The following HACL1 variants were observed in gnomAD, a reference collection of about 807,000 sequenced individuals.
The protein encoded by HACL1 is 1600020H07Rik.
In HACL1, 64 loss-of-function variants were observed where a neutral mutation model predicts 74.2. The observed-to-expected ratio is 0.86, with a 90% CI of 0.70 to 1.06. The LOEUF (loss-of-function observed/expected upper bound fraction) is 1.06, where lower values mean the gene tolerates loss of function less well. Ranked by LOEUF, HACL1 falls within the 50% of genes least tolerant of loss-of-function variation. The pLI is 0.00. For missense variants in HACL1, 728 were observed against 719.7 expected, an observed-to-expected ratio of 1.01 and a Z score of -0.13; for synonymous variants, 230 against 238.8, an observed-to-expected ratio of 0.96 and a Z score of 0.34.
chr3:15,563,493 A>T lies in HACL1; in HGVS notation c.1569T>A (p.Thr523=), dbSNP rs752768853. 6.2e-7 allele frequency: 1 copy of T among 1,612,498 alleles called. No homozygotes were observed. Among genetic ancestry groups the T allele is most frequent in the Non-Finnish European group, 8.5e-7 (1 of 1,178,512 alleles). ...CAAAATACCCTTTGCCTCCAAATGC[A>T]GTCATGACTTGCTCATAATGTGAAT... ...LPNSHYEQVM[T]AFGGKGYFVQ... Residue 523 remains threonine, a synonymous_variant, in exon 16 of 17, where the codon ACT becomes ACA. Coordinates refer to ENST00000321169, the MANE Select transcript of HACL1 (RefSeq NM_012260.4).
At position 15,585,145 on chromosome 3, in the gene HACL1, T is replaced by A. The variant is rs143453253; in HGVS notation, c.554+103A>T. 1,043 of 611,622 alleles carry A rather than the reference T, an allele frequency of 1.7e-3. 5 individuals carry two copies. The highest frequency in any genetic ancestry group is 0.016 in the African/African-American group (834 of 52,646). The allele number at this position is 611,622 out of a possible 1,614,324, so 37.9% of individuals were successfully genotyped here. ...TACTAAATAATCAAGTTAAGACAAA[T>A]GGAAATTAACTTATAAACTGCTGGG... On this transcript the variant is annotated intron_variant, in intron 7 of 16. Coordinates refer to ENST00000321169, the MANE Select transcript of HACL1 (RefSeq NM_012260.4).
chr3:15,578,274 G>A (rs1394659237), intron 9 of HACL1, among the ~76,000 whole-genome samples: 3 of 151,932 alleles, frequency 2.0e-5, no homozygotes, highest in Non-Finnish European at 4.4e-5. Context: ...TTATGTAAGT[G>A]TTCATTACAT....
Position 15,568,515 on chromosome 3 carries a change from A to C in HACL1, c.1167T>G (p.Pro389=), listed in dbSNP as rs779013598. 6.3e-7 allele frequency: 1 copy of C among 1,591,254 alleles called. No homozygotes were observed. The highest frequency in any genetic ancestry group is 1.3e-5 in the African/African-American group (1 of 74,632). ...TVFYHVQEQL[P]RDCFVVSEGA... ...CTTCACTTACCACGAAACAGTCTCT[A>C]GGTAGTTGTTCTTGAACATGGTAGA... Residue 389 remains proline, a synonymous_variant, in exon 13 of 17, where the codon CCT becomes CCG. Coordinates refer to ENST00000321169, the MANE Select transcript of HACL1 (RefSeq NM_012260.4).
At chr3:15,591,762 T>C (rs2063899885) in intron 3 of HACL1, 82 bp from the exon 4 acceptor site, 3 of 832,026 alleles carry the variant, frequency 3.6e-6, no homozygotes, top group African/African-American at 3.4e-5. Context: ...CATGGCAATC[T>C]TGGACTTCAA....
At chr3:15,600,693 T>G in intron 2 of HACL1, 2 of 211,666 alleles carry the variant, frequency 9.4e-6, no homozygotes, top group South Asian at 1.6e-4. Context: ...GGCACCACAC[T>G]AAGCACTGGG....
chr3:15,600,288 A>T (rs1468351148), intron 2 of HACL1, among the ~76,000 whole-genome samples: 2 of 152,232 alleles, frequency 1.3e-5, no homozygotes, highest in African/African-American at 4.8e-5. Flanking sequence ...GGGCAAGAGG[A>T]GGCAAGAATT....
chr3:15,588,707 G>A (rs1044621810), intron 5 of HACL1, among the ~76,000 whole-genome samples: 7 of 152,056 alleles, frequency 4.6e-5, no homozygotes, highest in Non-Finnish European at 7.4e-5. Flanking sequence ...CCTCAGCCTA[G>A]TAGCTGAGTA....
At chr3:15,591,492 G>A (rs992724527) in intron 4 of HACL1, 108 bp downstream of exon 4, 11 of 542,624 alleles carry the variant, frequency 2.0e-5, no homozygotes, top group Non-Finnish European at 3.3e-5. Context: ...AATTGAAGGG[G>A]TTTTTTTTTT....
rs2063404076 is a variant in HACL1 at position 15,564,712 on chromosome 3, T to C, written c.1410-54A>G. Reference sequence around the variant, plus strand: ...TCATTCTTCATTTTAAAGTAATTTCTTTTCTTTGGGTTGAAACTTTAACTT... The same window carrying C: ...TCATTCTTCATTTTAAAGTAATTTCCTTTCTTTGGGTTGAAACTTTAACTT... On this transcript the variant is annotated intron_variant, in intron 14 of 16. Coordinates refer to ENST00000321169, the MANE Select transcript of HACL1 (RefSeq NM_012260.4). The C allele has an allele frequency of 4.0e-6, 3 of 746,150 alleles. No individual in the cohort carries two copies. The African/African-American group carries it at 5.4e-5, about 13-fold the overall frequency. 46.2% of individuals were successfully genotyped at this position (746,150 alleles called of 1,614,324 possible).
intron 16 of HACL1, among the ~76,000 whole-genome samples, chr3:15,562,683 A>G (rs560689357): frequency 2.6e-5 from 4 of 152,328 alleles, no homozygotes; most frequent in Admixed American, 6.5e-5. Flanking sequence ...GTAGAAAATT[A>G]AGTATGAAAT....
intron 7 of HACL1, 49 bp downstream of exon 7, chr3:15,585,199 G>T: frequency 1.1e-6 from 1 of 891,544 alleles, no homozygotes; most frequent in Non-Finnish European, 1.9e-6. Context: ...TAGGCATTAT[G>T]ATAATACATG....
chr3:15,561,580 A>G (rs893589596), intron 16 of HACL1, among the ~76,000 whole-genome samples: 3 of 152,238 alleles, frequency 2.0e-5, no homozygotes, highest in Non-Finnish European at 2.9e-5. Context: ...GAGAAACTGT[A>G]GAACAGATCA....
intron 8 of HACL1, 27 bp from the exon 9 acceptor site, chr3:15,580,072 A>G (rs753181222): frequency 1.9e-6 from 3 of 1,595,640 alleles, no homozygotes; most frequent in Non-Finnish European, 2.6e-6. Flanking sequence ...TGTATTGGAC[A>G]ATTCAGTTAA....
At position 15,594,135 on chromosome 3, in the gene HACL1, C is replaced by T. The variant is rs530083880; in HGVS notation, c.227+2249G>A. ...TTAAAACTGAATTTGAGGCTGAGCA[C>T]GGTGGCTGACGTCTGTAATCCCAGC... On this transcript the variant is annotated intron_variant, in intron 3 of 16. Transcript: ENST00000321169. 1.6e-4 allele frequency among the ~76,000 whole-genome samples: 25 copies of T among 152,266 alleles called. 1 individual carries two copies. The highest frequency in any genetic ancestry group is 1.0e-3 in the South Asian group (5 of 4,820).
At chr3:15,572,840 TG>T (rs1267334566) in intron 11 of HACL1, among the ~76,000 whole-genome samples, 1 of 152,250 alleles carries the variant, frequency 6.6e-6, no homozygotes, top group Admixed American at 6.5e-5. Context: ...TCAGTTCCTT[TG>T]GAAGGTATAC....
At chr3:15,578,829 G>T (rs1314602908) in intron 9 of HACL1, among the ~76,000 whole-genome samples, 1 of 152,106 alleles carries the variant, frequency 6.6e-6, no homozygotes, top group Non-Finnish European at 1.5e-5. Context: ...CTTGTTCAGA[G>T]GGCAGCTTTA....
Position 15,601,547 on chromosome 3 carries a change from G to A in HACL1, c.-84C>T, listed in dbSNP as rs754576234. ...AAGGCAAACGCGAAATCGGCAGCAC[G>A]CCACCTCTGGTACTGCACCTCTGAC... On this transcript the variant is annotated 5_prime_UTR_variant, in exon 1 of 17. Transcript: ENST00000321169. 161 of 1,604,426 alleles carry A rather than the reference G, an allele frequency of 1.0e-4. No individual in the cohort carries two copies. Among genetic ancestry groups the A allele is most frequent in the African/African-American group, 8.9e-4 (67 of 74,928 alleles).
intron 15 of HACL1, among the ~76,000 whole-genome samples, 159 bp from the exon 16 acceptor site, chr3:15,563,703 CTATATT>C (rs1186636558): frequency 2.0e-5 from 3 of 152,068 alleles, no homozygotes; most frequent in Admixed American, 1.3e-4. Context: ...TGAGTTTTTC[CTATATT>C]TATAATTGTC....
At chr3:15,568,111 C>T (rs2063467159) in intron 13 of HACL1, 109 bp from the exon 14 acceptor site, 1 of 911,858 alleles carries the variant, frequency 1.1e-6, no homozygotes, top group African/African-American at 1.7e-5. Context: ...AATGAAGAAC[C>T]ATAAAAACAT....
Sources: allele counts gnomAD v4.1 joint callset (sites outside exome capture counted in the v4.1 genomes callset), GRCh38; gene constraint gnomAD v4.1.1; transcripts MANE v1.5; gene names NCBI Gene and HGNC (gene_info 2026-07-23, HGNC 2026-07-21).